The following CDK6 variants were observed in gnomAD, a reference collection of about 807,000 sequenced individuals.
The protein encoded by CDK6 is cyclin-dependent kinase 6.
Under a neutral mutation model 37.1 loss-of-function variants are expected in CDK6, and 6 were observed. The observed-to-expected ratio is 0.16, with a 90% confidence interval of 0.09 to 0.32. The LOEUF is 0.32. Ranked by LOEUF, CDK6 falls within the 10% of genes least tolerant of loss-of-function variation. The pLI is 1.00. For missense variants in CDK6, 224 were observed against 418.9 expected (o/e 0.53, Z 4.06); for synonymous variants, 160 against 161.3 (o/e 0.99, Z 0.06).
intron 2 of CDK6, among the ~76,000 whole-genome samples, chr7:92,820,910 C>CT (rs59356925): frequency 0.2 from 29,778 of 151,040 alleles, 3,829 homozygotes; most frequent in African/African-American, 0.36. Context: ...GGAGCTTTGC[C>CT]TTTTTATCAT....
intron 4 of CDK6, among the ~76,000 whole-genome samples, chr7:92,703,283 C>T (rs1318516674): frequency 7.2e-5 from 11 of 151,760 alleles, no homozygotes; most frequent in Non-Finnish European, 4.4e-5. Context: ...TCTCCCATAA[C>T]CTTGGTATGC....
intron 3 of CDK6, among the ~76,000 whole-genome samples, chr7:92,773,166 C>T (rs3802073): frequency 0.16 from 24,819 of 152,070 alleles, 2,636 homozygotes; most frequent in South Asian, 0.29. Context: ...ATGAGGATGA[C>T]TGAATACATG....
chr7:92,624,402 G>C (rs2116497596), intron 5 of CDK6, among the ~76,000 whole-genome samples: 1 of 152,206 alleles, frequency 6.6e-6, no homozygotes, highest in Non-Finnish European at 1.5e-5. Flanking sequence ...GAGACATCAG[G>C]GGTGCACATG....
At chr7:92,720,365 T>C (rs1798337326) in intron 4 of CDK6, among the ~76,000 whole-genome samples, 2 of 152,096 alleles carry the variant, frequency 1.3e-5, no homozygotes, top group Non-Finnish European at 1.5e-5. Flanking sequence ...AGCCAGAATA[T>C]AAACATTAGA....
intron 5 of CDK6, among the ~76,000 whole-genome samples, chr7:92,661,849 T>C (rs914311547): frequency 6.6e-6 from 1 of 152,212 alleles, no homozygotes; most frequent in Non-Finnish European, 1.5e-5. Context: ...AAGGGTCAAC[T>C]GTACAGAGCG....
intron 3 of CDK6, among the ~76,000 whole-genome samples, chr7:92,742,272 G>T (rs1237495236): frequency 6.6e-6 from 1 of 152,178 alleles, no homozygotes; most frequent in African/African-American, 2.4e-5. Context: ...AATAGAAATT[G>T]TACTTTCTTT....
At position 92,711,552 on chromosome 7, in the gene CDK6, A is replaced by ATTTTTTTTTTTT. The variant is rs11285626; in HGVS notation, c.537+14062_537+14073dup. ...TTTTTTACCTACCTGGAATGGTCAA[A>ATTTTTTTTTTTT]TTTTTTTTTTTTTTTTTTTTTTTTT... On this transcript the variant is annotated intron_variant, in intron 4 of 7. Coordinates refer to ENST00000424848, the MANE Select transcript of CDK6 (RefSeq NM_001145306.2). 8.8e-5 allele frequency among the ~76,000 whole-genome samples: 5 copies of ATTTTTTTTTTTT among 56,626 alleles called. 1 individual carries two copies. Among genetic ancestry groups the ATTTTTTTTTTTT allele is most frequent in the African/African-American group, 4.1e-4 (5 of 12,216 alleles). The allele number at this position is 56,626 out of a possible 152,430, so 37.1% of individuals were successfully genotyped here.
chr7:92,732,024 C>G (rs1236680413), intron 3 of CDK6, among the ~76,000 whole-genome samples: 1 of 152,140 alleles, frequency 6.6e-6, no homozygotes, highest in Non-Finnish European at 1.5e-5. Context: ...GGGTAATGAC[C>G]CAAGTGGCTA....
chr7:92,693,338 T>G (rs1471391378), intron 4 of CDK6, among the ~76,000 whole-genome samples: 1 of 152,094 alleles, frequency 6.6e-6, no homozygotes, highest in African/African-American at 2.4e-5. Flanking sequence ...TGATCAGCAC[T>G]CCCTCCCAGC....
intron 4 of CDK6, among the ~76,000 whole-genome samples, chr7:92,707,121 C>A (rs950188780): frequency 6.6e-6 from 1 of 152,176 alleles, no homozygotes; most frequent in East Asian, 1.9e-4. Context: ...ATATTCATTT[C>A]TTTACCTGTC....
intron 4 of CDK6, among the ~76,000 whole-genome samples, chr7:92,691,616 A>T (rs973356629): frequency 6.6e-6 from 1 of 152,202 alleles, no homozygotes; most frequent in Non-Finnish European, 1.5e-5. Context: ...TTTAGAAAAA[A>T]GTCTAAGGCA....
chr7:92,741,944 T>C (rs1377569688), intron 3 of CDK6, among the ~76,000 whole-genome samples: 1 of 152,150 alleles, frequency 6.6e-6, no homozygotes, highest in Non-Finnish European at 1.5e-5. Flanking sequence ...TCCTGACAGA[T>C]TCTAGGGAAG....
intron 4 of CDK6, among the ~76,000 whole-genome samples, chr7:92,678,634 C>CT (rs1184555344): frequency 6.6e-6 from 1 of 152,172 alleles, no homozygotes; most frequent in Non-Finnish European, 1.5e-5. Context: ...ATCATGTACC[C>CT]TTTCACCAAG....
intron 2 of CDK6, among the ~76,000 whole-genome samples, chr7:92,807,297 GTATATCTATATCTAGA>G (rs1800751002): frequency 6.6e-6 from 1 of 151,926 alleles, no homozygotes; most frequent in South Asian, 2.1e-4. Flanking sequence ...ATGGAGACAT[GTATATCTATATCTAGA>G]GATATCTATA....
intron 3 of CDK6, among the ~76,000 whole-genome samples, chr7:92,726,638 T>C (rs998917577): frequency 1.3e-5 from 2 of 152,152 alleles, no homozygotes; most frequent in African/African-American, 4.8e-5. Flanking sequence ...CTCAAACTCT[T>C]GGGCTCAAGC....
chr7:92,616,726 T>A (rs1439797216), intron 7 of CDK6, among the ~76,000 whole-genome samples: 1 of 152,180 alleles, frequency 6.6e-6, no homozygotes, highest in Non-Finnish European at 1.5e-5. Flanking sequence ...ACATTCACAA[T>A]ACAGAGACAT....
chr7:92,648,101 ATG>A (rs147465633), intron 5 of CDK6, among the ~76,000 whole-genome samples: 2 of 151,792 alleles, frequency 1.3e-5, no homozygotes, highest in African/African-American at 4.8e-5. Context: ...GTGTGTGGGT[ATG>A]TGTGTGTGTA....
chr7:92,745,318 C>T (rs1799032463), intron 3 of CDK6, among the ~76,000 whole-genome samples: 1 of 152,176 alleles, frequency 6.6e-6, no homozygotes, highest in Admixed American at 6.5e-5. Flanking sequence ...TCTTTCACAT[C>T]CTTTTCTACT....
chr7:92,737,295 T>A (rs748529978), intron 3 of CDK6, among the ~76,000 whole-genome samples: 1 of 152,222 alleles, frequency 6.6e-6, no homozygotes, highest in Non-Finnish European at 1.5e-5. Flanking sequence ...CAAACACAAC[T>A]TATAATATAA....
Sources: allele counts gnomAD v4.1 joint callset (sites outside exome capture counted in the v4.1 genomes callset), GRCh38; gene constraint gnomAD v4.1.1; transcripts MANE v1.5; gene names NCBI Gene and HGNC (gene_info 2026-07-23, HGNC 2026-07-21).